RAB11FIP2: variants seen among roughly 807,000 people sequenced by gnomAD.
RAB11FIP2 encodes RAB11 family interacting protein 2, also known as rab11 family-interacting protein 2.
RAB11FIP2 carries 16 observed loss-of-function variants against 40.9 expected under a neutral mutation model. The ratio of observed to expected loss-of-function variants is 0.39; its 90% CI spans 0.26 to 0.59. The LOEUF (loss-of-function observed/expected upper bound fraction) is 0.59, where lower values mean the gene tolerates loss of function less well. Among genes scored for constraint, RAB11FIP2 ranks in the 20% least tolerant of loss-of-function variants. RAB11FIP2 has a pLI of 0.53. For synonymous variants in RAB11FIP2, 228 were observed against 213.7 expected (o/e 1.07, Z -0.58); for missense variants, 532 against 606.2 (o/e 0.88, Z 1.28).
chr10:118,039,420 T>C lies in RAB11FIP2; in HGVS notation c.817A>G (p.Arg273Gly), dbSNP rs1179094719. ...PESGSLKSPH[R>G]RTLSFDTSKM... Reference sequence around the variant, plus strand: ...GAAGTATCAAAGCTTAATGTTCTTCTGTGTGGAGATTTGAGACTTCCTACA... The same window carrying C: ...GAAGTATCAAAGCTTAATGTTCTTCCGTGTGGAGATTTGAGACTTCCTACA... Residue 273 changes from arginine to glycine, a missense_variant, in exon 3 of 5, where the codon AGA (arginine) becomes GGA (glycine). By Grantham distance (125) the Arg-to-Gly change is moderately radical. Transcript: ENST00000355624. 6.2e-7 allele frequency: 1 copy of C among 1,611,812 alleles called. No individual in the cohort carries two copies. The highest frequency in any genetic ancestry group is 1.3e-5 in the African/African-American group (1 of 74,914).
intron 3 of RAB11FIP2, among the ~76,000 whole-genome samples, chr10:118,034,761 G>A (rs1846460481): frequency 6.6e-6 from 1 of 152,118 alleles, no homozygotes; most frequent in Admixed American, 6.5e-5. Context: ...AATAAACTGA[G>A]AAAACATTCT....
In RAB11FIP2 at chr10:118,006,961, A is replaced by T. The variant is rs779116671; in HGVS notation, c.*2037T>A. ...TCTATTTATGTAAAACATATCCCCA[A>T]TACAAAACTGACATCTTGGTTCACT... On this transcript the variant is annotated 3_prime_UTR_variant, in exon 5 of 5. Coordinates refer to ENST00000355624, the MANE Select transcript of RAB11FIP2 (RefSeq NM_014904.3). 2 of 152,432 alleles carry T rather than the reference A, an allele frequency of 1.3e-5. No homozygotes were observed. The highest frequency in any genetic ancestry group is 2.9e-5 in the Non-Finnish European group (2 of 67,922). The allele number at this position is 152,432 out of a possible 1,614,324, so 9.4% of individuals were successfully genotyped here. A position where few individuals can be genotyped will look rare whatever the true frequency, so the allele number is the denominator to read the frequency against.
chr10:118,030,636 G>C (rs1348953489), intron 3 of RAB11FIP2, among the ~76,000 whole-genome samples: 1 of 151,200 alleles, frequency 6.6e-6, no homozygotes, highest in Non-Finnish European at 1.5e-5. Context: ...ACTAGTTTTT[G>C]TGAATTTTTT....
intron 1 of RAB11FIP2, chr10:118,045,320 G>C (rs1394817489): frequency 6.5e-6 from 1 of 154,412 alleles, no homozygotes; most frequent in East Asian, 1.9e-4. Context: ...AAATGGCTGA[G>C]CTAAAATAAA....
chr10:118,017,538 C>T (rs1226377944), intron 3 of RAB11FIP2: 1 of 152,100 alleles, frequency 6.6e-6, no homozygotes, highest in Non-Finnish European at 1.5e-5. Flanking sequence ...GGCTGTCAGA[C>T]AGTAGTGTCG....
chr10:118,042,198 T>A (rs1846568812), intron 1 of RAB11FIP2, among the ~76,000 whole-genome samples: 1 of 151,900 alleles, frequency 6.6e-6, no homozygotes, highest in Non-Finnish European at 1.5e-5. Context: ...TTGCAAAAAA[T>A]GTACCAAAAA....
chr10:118,039,165 T>G lies in RAB11FIP2; in HGVS notation c.1072A>C (p.Ser358Arg). 1.2e-6 allele frequency: 2 copies of G among 1,613,796 alleles called. No individual in the cohort carries two copies. Among genetic ancestry groups the G allele is most frequent in the Non-Finnish European group, 8.5e-7 (1 of 1,179,812 alleles). Residue 358 changes from serine (S) to arginine (R), a missense_variant, in exon 3 of 5, where the codon AGC becomes CGC. Transcript: ENST00000355624. ...ENKREKREKV[S>R]LFERVTGKKD... ...TTTCCAGTCACTCTTTCAAACAGGC[T>G]AACTTTCTCCCTTTTCTCTCTTTTA... is the stretch of plus-strand genomic sequence containing the variant.
At chr10:118,026,009 G>A (rs1846338425) in intron 3 of RAB11FIP2, among the ~76,000 whole-genome samples, 1 of 152,128 alleles carries the variant, frequency 6.6e-6, no homozygotes. Context: ...TTTGCTTTGT[G>A]CATCCTTTGT....
intron 3 of RAB11FIP2, among the ~76,000 whole-genome samples, chr10:118,018,452 C>G (rs11198234): frequency 6.6e-6 from 1 of 152,112 alleles, no homozygotes; most frequent in African/African-American, 2.4e-5. Flanking sequence ...AACCTAGATA[C>G]ACTCACATTT....
In RAB11FIP2 at chr10:118,007,538, C is replaced by A. The variant is rs763773258; in HGVS notation, c.*1460G>T. 6.6e-6 allele frequency: 1 copy of A among 151,252 alleles called. No individual in the cohort carries two copies. The highest frequency in any genetic ancestry group is 1.5e-5 in the Non-Finnish European group (1 of 67,858). The allele number at this position is 151,252 out of a possible 1,614,324, so 9.4% of individuals were successfully genotyped here. A position where few individuals can be genotyped will look rare whatever the true frequency, so the allele number is the denominator to read the frequency against. ...ATAAGTATTAGAAAAAAATGCAATT[C>A]ATGGAAAGATTGGGGAATATGTAAG... On this transcript the variant is annotated 3_prime_UTR_variant, in exon 5 of 5. Transcript: ENST00000355624.
chr10:118,036,037 C>T (rs750299459), intron 3 of RAB11FIP2, among the ~76,000 whole-genome samples: 7 of 151,900 alleles, frequency 4.6e-5, no homozygotes, highest in South Asian at 2.1e-4. Context: ...TTTCTTCAGG[C>T]GGACTTTACT....
rs1846631913 is a variant in RAB11FIP2, at chr10:118,046,179, T to G, written c.-16A>C. 1 of 1,605,250 alleles carries G rather than the reference T, an allele frequency of 6.2e-7. No individual in the cohort carries two copies. Among genetic ancestry groups the G allele is most frequent in the Non-Finnish European group, 8.5e-7 (1 of 1,173,964 alleles). ...ACAGCATCATCCTGTCCTGTTTCTC[T>G]GCCCCCGAGTTCCCTAGCACAGGCA... On this transcript the variant is annotated 5_prime_UTR_variant, in exon 1 of 5. Coordinates refer to ENST00000355624, the MANE Select transcript of RAB11FIP2 (RefSeq NM_014904.3).
At chr10:118,011,391 G>GCGCA (rs144517584) in intron 4 of RAB11FIP2, among the ~76,000 whole-genome samples, 14 of 149,852 alleles carry the variant, frequency 9.3e-5, no homozygotes, top group African/African-American at 3.2e-4. Flanking sequence ...ACACACATGC[G>GCGCA]CACACACACA....
chr10:118,044,398 A>G (rs936820014), intron 1 of RAB11FIP2, among the ~76,000 whole-genome samples: 1 of 152,216 alleles, frequency 6.6e-6, no homozygotes, highest in African/African-American at 2.4e-5. Flanking sequence ...GGCAATTTGA[A>G]ACAGATTATT....
Position 118,039,413 on chromosome 10 carries a change from G to A in RAB11FIP2, c.824C>T (p.Thr275Ile). 1 of 1,612,632 alleles carries A rather than the reference G, an allele frequency of 6.2e-7. No homozygotes were observed. The highest frequency in any genetic ancestry group is 8.5e-7 in the Non-Finnish European group (1 of 1,179,132). The part of the protein sequence containing the change: ...SGSLKSPHRR[T>I]LSFDTSKMNQ... The stretch of plus-strand genomic sequence containing the variant: ...CATTTTAGAAGTATCAAAGCTTAAT[G>A]TTCTTCTGTGTGGAGATTTGAGACT... The change falls in exon 3 of 5, where the codon ACA becomes ATA. Residue 275 changes from threonine to isoleucine, a missense_variant. Thr to Ile is a moderately conservative substitution (Grantham distance 89). Coordinates refer to ENST00000355624, the MANE Select transcript of RAB11FIP2 (RefSeq NM_014904.3).
chr10:118,014,486 C>G (rs1311098938), intron 4 of RAB11FIP2, among the ~76,000 whole-genome samples: 3 of 152,116 alleles, frequency 2.0e-5, no homozygotes, highest in African/African-American at 7.2e-5. Context: ...CAATAAAGTT[C>G]AGATTATCTG....
At position 118,040,357 on chromosome 10, in the gene RAB11FIP2, T is replaced by C; in HGVS notation, c.562A>G (p.Ile188Val). Residue 188 changes from isoleucine to valine, a missense_variant, in exon 2 of 5, where the codon ATT becomes GTT. By Grantham distance (29) the Ile-to-Val change is conservative. Coordinates refer to ENST00000355624, the MANE Select transcript of RAB11FIP2 (RefSeq NM_014904.3). ...GTFSDTSSAI[I>V]PSTHMPDANS... ...GCATCGGGCATGTGAGTACTTGGAA[T>C]GATTGCAGAAGACGTATCAGAAAAT... 1 of 1,613,874 alleles carries C rather than the reference T, an allele frequency of 6.2e-7. No individual in the cohort carries two copies. Among genetic ancestry groups the C allele is most frequent in the Middle Eastern group, 1.6e-4 (1 of 6,062 alleles).
intron 3 of RAB11FIP2, among the ~76,000 whole-genome samples, chr10:118,033,357 C>G (rs959265083): frequency 6.6e-6 from 1 of 152,076 alleles, no homozygotes; most frequent in Non-Finnish European, 1.5e-5. Context: ...GCACTGAGGT[C>G]ATGCACAAAT....
In RAB11FIP2 at chr10:118,009,049, G is replaced by A; in HGVS notation, c.1488C>T (p.Leu496=). ...TCCTGGATGGTTCATACGGCACTCT[G>A]AGAATACTGGGCGTTTCTTCCATTA... ...VRVMEETPSI[L]RVPYEPSRKA... Residue 496 remains leucine (L), a synonymous_variant, in exon 5 of 5, where the codon CTC becomes CTT. Transcript: ENST00000355624. 1 of 1,613,568 alleles carries A rather than the reference G, an allele frequency of 6.2e-7. No individual in the cohort carries two copies. Among genetic ancestry groups the A allele is most frequent in the Non-Finnish European group, 8.5e-7 (1 of 1,179,596 alleles).
Sources: gnomAD v4.1 joint callset for allele counts (sites outside exome capture counted in the v4.1 genomes callset) on GRCh38, gnomAD v4.1.1 for gene constraint, MANE v1.5 for transcripts, NCBI Gene and HGNC (gene_info 2026-07-23, HGNC 2026-07-21) for gene names.